Variants in KRR1 observed in about 807,000 individuals in gnomAD.
KRR1 encodes the protein KRR1 small subunit processome component homolog.
KRR1 carries 23 observed loss-of-function variants against 50.0 expected under a neutral mutation model. The ratio of observed to expected loss-of-function variants is 0.46; its 90% confidence interval spans 0.33 to 0.65. The LOEUF is 0.65. KRR1 is among the 30% of genes least tolerant of loss of function. KRR1 has a pLI of 0.02. For missense variants in KRR1, 419 were observed against 442.4 expected, an observed-to-expected ratio of 0.95 and a Z score of 0.47; for synonymous variants, 133 against 146.3, an observed-to-expected ratio of 0.91 and a Z score of 0.66.
intron 7 of KRR1, chr12:75,502,544 C>G (rs1432814767): frequency 6.6e-6 from 1 of 152,586 alleles, no homozygotes; most frequent in African/African-American, 2.4e-5. Flanking sequence ...TATAACTGAC[C>G]TGTCTCCCAC....
chr12:75,506,086 C>T, intron 5 of KRR1: 2 of 368,020 alleles, frequency 5.4e-6, no homozygotes, highest in East Asian at 1.0e-4. Context: ...GTGTGCAGAC[C>T]ATCTAATTCA....
At position 75,499,674 on chromosome 12, in the gene KRR1, T is replaced by TCTTCTATGAACAACCAC. The variant is rs2046377065; in HGVS notation, c.*118_*134dup. On this transcript the variant is annotated 3_prime_UTR_variant, in exon 10 of 10. Transcript: ENST00000229214. ...TAATAATATAATTTATAAAGAACAC[T>TCTTCTATGAACAACCAC]CTTCTATGAACAACCACCACCACCA... 1 of 486,760 alleles carries TCTTCTATGAACAACCAC rather than the reference T, an allele frequency of 2.1e-6. No homozygotes were observed. The highest frequency in any genetic ancestry group is 2.1e-5 in the African/African-American group (1 of 48,720). The allele number at this position is 486,760 out of a possible 1,614,324, so 30.2% of individuals were successfully genotyped here. A position where few individuals can be genotyped will look rare whatever the true frequency, so the allele number is the denominator to read the frequency against.
chr12:75,503,136 G>A (rs2046405821), intron 7 of KRR1: 1 of 152,152 alleles, frequency 6.6e-6, no homozygotes, highest in Non-Finnish European at 1.5e-5. Context: ...CATAGAAGAG[G>A]CTGATGCAGG....
Position 75,491,005 on chromosome 12 carries a change from CA to C in KRR1, c.*8803del, listed in dbSNP as rs2046320711. 6.6e-6 allele frequency: 1 copy of C among 152,506 alleles called. No homozygotes were observed. The highest frequency in any genetic ancestry group is 1.5e-5 in the Non-Finnish European group (1 of 68,390). The allele number at this position is 152,506 out of a possible 1,614,324, so 9.4% of individuals were successfully genotyped here. A position where few individuals can be genotyped will look rare whatever the true frequency, so the allele number is the denominator to read the frequency against. On this transcript the variant is annotated 3_prime_UTR_variant, in exon 10 of 10. Coordinates refer to ENST00000229214, the MANE Select transcript of KRR1 (RefSeq NM_007043.7). ...ATAGTTCCCACTTTGGGAAACAGGGCAAACACCTTCCTCCTACTTTCTTTAA... is the reference window on the plus strand; with the variant it reads ...ATAGTTCCCACTTTGGGAAACAGGGCAACACCTTCCTCCTACTTTCTTTAA...
chr12:75,499,727 C>A lies in KRR1; in HGVS notation c.*82G>T. On this transcript the variant is annotated 3_prime_UTR_variant, in exon 10 of 10. Transcript: ENST00000229214. ...AAAAAAAAAAGCCCTCAGAAAATTT[C>A]TCACAAATAAGGCAACTAATGCCTG... 6 of 1,021,198 alleles carry A rather than the reference C, an allele frequency of 5.9e-6. No homozygotes were observed. The highest frequency in any genetic ancestry group is 5.5e-6 in the Non-Finnish European group (4 of 732,076). The allele number at this position is 1,021,198 out of a possible 1,614,324, so 63.3% of individuals were successfully genotyped here. A position where few individuals can be genotyped will look rare whatever the true frequency, so the allele number is the denominator to read the frequency against.
intron 2 of KRR1, among the ~76,000 whole-genome samples, chr12:75,507,985 AG>A (rs1378058517): frequency 6.6e-6 from 1 of 152,228 alleles, no homozygotes; most frequent in African/African-American, 2.4e-5. Flanking sequence ...GGCCTGGAGC[AG>A]GCATACTGAA....
chr12:75,501,317 T>C (rs890151682), intron 9 of KRR1: 2 of 165,996 alleles, frequency 1.2e-5, no homozygotes, highest in African/African-American at 2.4e-5. Context: ...ATGTTACCGA[T>C]ATAGAAGCCA....
At chr12:75,509,009 A>T (rs1198128126) in intron 1 of KRR1, among the ~76,000 whole-genome samples, 1 of 152,194 alleles carries the variant, frequency 6.6e-6, no homozygotes, top group African/African-American at 2.4e-5. Flanking sequence ...TATAAAAGGT[A>T]GAATCTGTAT....
rs1566100773 is a variant in KRR1, at chr12:75,497,487, C to T, written c.*2322G>A. On this transcript the variant is annotated 3_prime_UTR_variant, in exon 10 of 10. Transcript: ENST00000229214. Reference sequence around the variant, plus strand: ...GATCTTGTCACTAATTTCCTATTCTCAGAGCTAGATTTATGTAATTTGTTT... The same window carrying T: ...GATCTTGTCACTAATTTCCTATTCTTAGAGCTAGATTTATGTAATTTGTTT... 6.6e-6 allele frequency: 1 copy of T among 152,164 alleles called. No individual in the cohort carries two copies. The highest frequency in any genetic ancestry group is 1.5e-5 in the Non-Finnish European group (1 of 68,038). The allele number at this position is 152,164 out of a possible 1,614,324, so 9.4% of individuals were successfully genotyped here. A position where few individuals can be genotyped will look rare whatever the true frequency, so the allele number is the denominator to read the frequency against.
chr12:75,502,216 G>A lies in KRR1; in HGVS notation c.832-216C>T, dbSNP rs1047943370. On this transcript the variant is annotated intron_variant, in intron 7 of 9. Coordinates refer to ENST00000229214, the MANE Select transcript of KRR1 (RefSeq NM_007043.7). The stretch of plus-strand genomic sequence containing the variant: ...GCACCTCCATGGAATACAACCCAGA[G>A]TAGTTCAGGGATATGGCATGGAAGG... The A allele has an allele frequency of 1.3e-5, 6 of 476,108 alleles. No individual in the cohort carries two copies. The South Asian group carries it at 1.5e-4, about 12-fold the overall frequency. 29.5% of individuals were successfully genotyped at this position (476,108 alleles called of 1,614,324 possible). A position where few individuals can be genotyped will look rare whatever the true frequency, so the allele number is the denominator to read the frequency against.
rs1046367336 is a variant in KRR1, at chr12:75,494,205, G to A, written c.*5604C>T. 2 of 152,190 alleles carry A rather than the reference G, an allele frequency of 1.3e-5. No individual in the cohort carries two copies. Among genetic ancestry groups the A allele is most frequent in the African/African-American group, 2.4e-5 (1 of 41,440 alleles). 9.4% of individuals were successfully genotyped at this position (152,190 alleles called of 1,614,324 possible). A position where few individuals can be genotyped will look rare whatever the true frequency, so the allele number is the denominator to read the frequency against. ...CGTTATAAAGTTGTGTGTCTAAGGT[G>A]AGAGTTCTCAACTTTGGAGGTAATT... On this transcript the variant is annotated 3_prime_UTR_variant, in exon 10 of 10. Transcript: ENST00000229214.
chr12:75,502,626 A>ATTCTT (rs2046402568), intron 7 of KRR1: 1 of 152,040 alleles, frequency 6.6e-6, no homozygotes, highest in Non-Finnish European at 1.5e-5. Flanking sequence ...CTCACTAACA[A>ATTCTT]TTCTTTAAGA....
chr12:75,505,288 A>AGGAT (rs1566105192), intron 5 of KRR1, 34 bp from the exon 6 acceptor site: 1 of 1,560,570 alleles, frequency 6.4e-7, no homozygotes, highest in Admixed American at 2.0e-5. Context: ...ATTAGTCACA[A>AGGAT]GGATTTTAAT....
At position 75,495,254 on chromosome 12, in the gene KRR1, A is replaced by AC. The variant is rs2046343522; in HGVS notation, c.*4554dup. 1 of 190,208 alleles carries AC rather than the reference A, an allele frequency of 5.3e-6. No homozygotes were observed. Among genetic ancestry groups the AC allele is most frequent in the African/African-American group, 2.3e-5 (1 of 42,848 alleles). 11.8% of individuals were successfully genotyped at this position (190,208 alleles called of 1,614,324 possible). A position where few individuals can be genotyped will look rare whatever the true frequency, so the allele number is the denominator to read the frequency against. On this transcript the variant is annotated 3_prime_UTR_variant, in exon 10 of 10. Coordinates refer to ENST00000229214, the MANE Select transcript of KRR1 (RefSeq NM_007043.7). ...TGGAGTTAAATCCAGGTTTCCTCTG[A>AC]CTCTGAAGTGTATAAATTGTGATTA...
chr12:75,499,735 T>C lies in KRR1; in HGVS notation c.*74A>G. On this transcript the variant is annotated 3_prime_UTR_variant, in exon 10 of 10. Transcript: ENST00000229214. ...AAGCCCTCAGAAAATTTCTCACAAA[T>C]AAGGCAACTAATGCCTGATATCTCA... 8.8e-7 allele frequency: 1 copy of C among 1,135,586 alleles called. No individual in the cohort carries two copies. The highest frequency in any genetic ancestry group is 2.8e-5 in the East Asian group (1 of 35,856). The allele number at this position is 1,135,586 out of a possible 1,614,324, so 70.3% of individuals were successfully genotyped here.
chr12:75,492,423 G>C lies in KRR1; in HGVS notation c.*7386C>G, dbSNP rs1341234352. On this transcript the variant is annotated 3_prime_UTR_variant, in exon 10 of 10. Coordinates refer to ENST00000229214, the MANE Select transcript of KRR1 (RefSeq NM_007043.7). Reference sequence around the variant, plus strand: ...ATGGTTAAGATACAATTAATTTACTGTGTGACCCTGGACAAGTTAACTCTG... The same window carrying C: ...ATGGTTAAGATACAATTAATTTACTCTGTGACCCTGGACAAGTTAACTCTG... 6.6e-6 allele frequency: 1 copy of C among 152,152 alleles called. No individual in the cohort carries two copies. Among genetic ancestry groups the C allele is most frequent in the African/African-American group, 2.4e-5 (1 of 41,428 alleles). The allele number at this position is 152,152 out of a possible 1,614,324, so 9.4% of individuals were successfully genotyped here. A position where few individuals can be genotyped will look rare whatever the true frequency, so the allele number is the denominator to read the frequency against.
At chr12:75,505,033 G>A (rs966704999) in intron 6 of KRR1, among the ~76,000 whole-genome samples, 165 bp downstream of exon 6, 1 of 151,694 alleles carries the variant, frequency 6.6e-6, no homozygotes, top group African/African-American at 2.4e-5. Context: ...TACAAAACTG[G>A]GGTAGAATTA....
Position 75,495,511 on chromosome 12 carries a change from TC to T in KRR1, c.*4297del. On this transcript the variant is annotated 3_prime_UTR_variant, in exon 10 of 10. Coordinates refer to ENST00000229214, the MANE Select transcript of KRR1 (RefSeq NM_007043.7). The stretch of plus-strand genomic sequence containing the variant: ...TATTCTTCTGGATTTAGTTAAGGAT[TC>T]ATAGTAAATTGCAATTTTAAAAAAC... 1 of 793,906 alleles carries T rather than the reference TC, an allele frequency of 1.3e-6. No homozygotes were observed. Among genetic ancestry groups the T allele is most frequent in the Non-Finnish European group, 2.2e-6 (1 of 448,158 alleles). The allele number at this position is 793,906 out of a possible 1,614,324, so 49.2% of individuals were successfully genotyped here. A position where few individuals can be genotyped will look rare whatever the true frequency, so the allele number is the denominator to read the frequency against.
rs1302345916 is a variant in KRR1 at position 75,499,004 on chromosome 12, A to G, written c.*805T>C. On this transcript the variant is annotated 3_prime_UTR_variant, in exon 10 of 10. Transcript: ENST00000229214. ...TACAATTCAGGAAAGAAAAAACCCA[A>G]AAACCAACCTCATTCACATATGGCT... 6.6e-7 allele frequency: 1 copy of G among 1,503,790 alleles called. No individual in the cohort carries two copies. Among genetic ancestry groups the G allele is most frequent in the African/African-American group, 1.4e-5 (1 of 70,508 alleles). The allele number at this position is 1,503,790 out of a possible 1,614,324, so 93.2% of individuals were successfully genotyped here. A position where few individuals can be genotyped will look rare whatever the true frequency, so the allele number is the denominator to read the frequency against.
Sources: allele counts gnomAD v4.1 joint callset (sites outside exome capture counted in the v4.1 genomes callset), GRCh38; gene constraint gnomAD v4.1.1; transcripts MANE v1.5; gene names NCBI Gene and HGNC (gene_info 2026-07-23, HGNC 2026-07-21).